The following AP3B1 variants were observed in gnomAD, a reference collection of about 807,000 sequenced individuals.
AP3B1 encodes the protein adaptor related protein complex 3 subunit beta 1, also known as AP-3 complex subunit beta-1.
AP3B1 carries 61 observed loss-of-function variants against 132.5 expected under a neutral mutation model. The observed-to-expected ratio is 0.46, with a 90% confidence interval of 0.37 to 0.57. AP3B1 has a LOEUF of 0.57. Among genes scored for constraint, AP3B1 ranks in the 20% least tolerant of loss-of-function variants. The probability of loss-of-function intolerance (pLI) is 0.00; values close to 1 mark genes in which losing one functional copy is unlikely to be tolerated. For missense variants in AP3B1, 1,120 were observed against 1,289.4 expected (o/e 0.87, Z 2.01); for synonymous variants, 388 against 438.3 (o/e 0.89, Z 1.43).
intron 22 of AP3B1, among the ~76,000 whole-genome samples, chr5:78,040,736 G>T (rs1455956549): frequency 6.6e-6 from 1 of 151,614 alleles, no homozygotes; most frequent in Non-Finnish European, 1.5e-5. Context: ...GACAAGTGTT[G>T]TCTCCCAACT....
chr5:78,038,215 T>A (rs578078677), intron 23 of AP3B1, among the ~76,000 whole-genome samples: 3 of 152,322 alleles, frequency 2.0e-5, no homozygotes, highest in African/African-American at 7.2e-5. Context: ...TTTTTTAAAA[T>A]GTAAAAGCAT....
chr5:78,233,781 T>C (rs1006410011), intron 3 of AP3B1, among the ~76,000 whole-genome samples: 1 of 151,934 alleles, frequency 6.6e-6, no homozygotes, highest in Non-Finnish European at 1.5e-5. Flanking sequence ...GGCTCAGAGG[T>C]TTATATAACT....
intron 22 of AP3B1, among the ~76,000 whole-genome samples, chr5:78,054,394 G>T (rs1748716366): frequency 6.6e-6 from 1 of 152,172 alleles, no homozygotes; most frequent in Non-Finnish European, 1.5e-5. Context: ...GGGGAAGAAG[G>T]AATAGGAAGA....
At chr5:78,244,487 A>G (rs1488523252) in intron 2 of AP3B1, among the ~76,000 whole-genome samples, 2 of 152,162 alleles carry the variant, frequency 1.3e-5, no homozygotes, top group Non-Finnish European at 2.9e-5. Context: ...CTATGATGAG[A>G]AAGACTAGGG....
intron 11 of AP3B1, among the ~76,000 whole-genome samples, chr5:78,172,053 A>G (rs1743941408): frequency 6.6e-6 from 1 of 152,132 alleles, no homozygotes; most frequent in Non-Finnish European, 1.5e-5. Context: ...ATTGATTTGC[A>G]TATGTTGAAC....
At chr5:78,259,506 ATAACT>A (rs1257150193) in intron 2 of AP3B1, among the ~76,000 whole-genome samples, 1 of 152,212 alleles carries the variant, frequency 6.6e-6, no homozygotes, top group African/African-American at 2.4e-5. Flanking sequence ...ACATTTTAAA[ATAACT>A]TAAAGAGTGT....
chr5:78,274,611 A>G (rs779959039), intron 1 of AP3B1, among the ~76,000 whole-genome samples: 2 of 152,156 alleles, frequency 1.3e-5, no homozygotes, highest in Non-Finnish European at 2.9e-5. Flanking sequence ...ACAAGAAACA[A>G]TGAGAAAAAT....
chr5:78,087,440 A>G, intron 22 of AP3B1: 1 of 740,086 alleles, frequency 1.4e-6, no homozygotes, highest in Non-Finnish European at 1.6e-6. Flanking sequence ...TATTCAGTTT[A>G]TTTCTACACG....
At chr5:78,227,131 T>C (rs1218697256) in intron 5 of AP3B1, among the ~76,000 whole-genome samples, 5 of 152,154 alleles carry the variant, frequency 3.3e-5, no homozygotes, top group Non-Finnish European at 5.9e-5. Flanking sequence ...ATAAAATCTA[T>C]AAATTATCAC....
chr5:78,216,760 G>A (rs770187303), intron 6 of AP3B1, among the ~76,000 whole-genome samples: 2 of 151,916 alleles, frequency 1.3e-5, no homozygotes, highest in Non-Finnish European at 2.9e-5. Flanking sequence ...TTAATCCACC[G>A]GTTTTTACCC....
At chr5:78,144,829 T>TTTGTTGTTGTTGTTGTTG (rs5868903) in intron 14 of AP3B1, among the ~76,000 whole-genome samples, 4 of 140,646 alleles carry the variant, frequency 2.8e-5, no homozygotes, top group Non-Finnish European at 4.9e-5. Flanking sequence ...TATGGGTTGT[T>TTTGTTGTTGTTGTTGTTG]TTGTTGTTGT....
chr5:78,082,092 A>C (rs1257504589), intron 22 of AP3B1, among the ~76,000 whole-genome samples: 1 of 152,052 alleles, frequency 6.6e-6, no homozygotes, highest in Non-Finnish European at 1.5e-5. Context: ...TGAGGACCTT[A>C]TGTTTTTTGT....
downstream of AP3B1, chr5:78,002,199 T>G (rs1746217442): frequency 6.3e-6 from 1 of 157,538 alleles, no homozygotes; most frequent in South Asian, 2.1e-4. Context: ...GGTTTTTCTT[T>G]CGCTAACTAA....
At chr5:78,278,010 AG>A (rs1002058564) in intron 1 of AP3B1, among the ~76,000 whole-genome samples, 1 of 152,180 alleles carries the variant, frequency 6.6e-6, no homozygotes, top group Non-Finnish European at 1.5e-5. Flanking sequence ...ACCTTTGCTC[AG>A]GAGATTAGGA....
chr5:78,145,092 G>GT (rs367779623), intron 14 of AP3B1, among the ~76,000 whole-genome samples: 12 of 152,296 alleles, frequency 7.9e-5, no homozygotes, highest in Non-Finnish European at 1.3e-4. Flanking sequence ...ATCAGAACAT[G>GT]TAAGTTGACT....
intron 3 of AP3B1, among the ~76,000 whole-genome samples, chr5:78,234,227 AC>A (rs1384487825): frequency 6.6e-6 from 1 of 152,112 alleles, no homozygotes; most frequent in Non-Finnish European, 1.5e-5. Flanking sequence ...GTGCTTCTCA[AC>A]CTTCAGAATT....
chr5:78,257,376 G>A (rs951278545), intron 2 of AP3B1, among the ~76,000 whole-genome samples: 8 of 152,072 alleles, frequency 5.3e-5, no homozygotes, highest in African/African-American at 1.7e-4. Context: ...TATGCCAACA[G>A]TGAACAAGGT....
chr5:78,215,208 CTT>C (rs959445908), intron 7 of AP3B1, among the ~76,000 whole-genome samples: 3 of 142,844 alleles, frequency 2.1e-5, no homozygotes, highest in Admixed American at 7.1e-5. Flanking sequence ...TTTTAAAAAT[CTT>C]TTTTTTTTTT....
At chr5:78,234,954 T>A (rs550198370) in intron 3 of AP3B1, among the ~76,000 whole-genome samples, 1 of 152,196 alleles carries the variant, frequency 6.6e-6, no homozygotes, top group South Asian at 2.1e-4. Context: ...AACTTGTTAG[T>A]CTGGTTGTTT....
Sources: gnomAD v4.1 joint callset for allele counts (sites outside exome capture counted in the v4.1 genomes callset) on GRCh38, gnomAD v4.1.1 for gene constraint, MANE v1.5 for transcripts, NCBI Gene and HGNC (gene_info 2026-07-23, HGNC 2026-07-21) for gene names.